The following GNA14 variants were observed in gnomAD, a reference collection of about 807,000 sequenced individuals.
The protein encoded by GNA14 is G protein subunit alpha 14.
In GNA14, 50 loss-of-function variants were observed where a neutral mutation model predicts 42.0. The ratio of observed to expected loss-of-function variants is 1.19; its 90% CI spans 0.95 to 1.51. The LOEUF is 1.51. GNA14 is among the 40% of genes most tolerant of loss of function. The pLI, the probability that GNA14 is intolerant of heterozygous loss-of-function variation, is 0.00. For missense variants in GNA14, 473 were observed against 446.2 expected (o/e 1.06, Z -0.54); for synonymous variants, 173 against 163.1 (o/e 1.06, Z -0.46).
rs973020914 is a variant in GNA14 at position 77,529,238 on chromosome 9, C to T, written c.140G>A (p.Gly47Glu). ...CATCTGCTTGATAAAGGTGCTTTTC[C>T]CACTTTCACCAGTTCCTATAAGACA... The part of the protein sequence containing the change: ...KLLLLGTGES[G>E]KSTFIKQMRI... The change falls in exon 2 of 7, where the codon GGG (glycine) becomes GAG (glutamate). Residue 47 changes from glycine (G) to glutamate (E), a missense_variant. Physicochemically the swap from Gly to Glu is moderately conservative, Grantham distance 98. Transcript: ENST00000341700. 1 of 1,613,806 alleles carries T rather than the reference C, an allele frequency of 6.2e-7. No individual in the cohort carries two copies. The highest frequency in any genetic ancestry group is 1.7e-5 in the Admixed American group (1 of 60,006).
intron 1 of GNA14, chr9:77,580,141 C>T (rs1158487814): frequency 4.7e-6 from 1 of 212,234 alleles, no homozygotes; most frequent in Admixed American, 5.3e-5. Context: ...AAGCATAACT[C>T]TCAATAGTGC....
chr9:77,563,613 T>C (rs1293637784), intron 1 of GNA14, among the ~76,000 whole-genome samples: 2 of 152,154 alleles, frequency 1.3e-5, no homozygotes, highest in East Asian at 3.9e-4. Context: ...ACTAACACTG[T>C]AATTGCCATG....
chr9:77,488,618 T>C (rs917194909), intron 2 of GNA14, among the ~76,000 whole-genome samples: 1 of 151,802 alleles, frequency 6.6e-6, no homozygotes, highest in Non-Finnish European at 1.5e-5. Flanking sequence ...AGAATCCCAT[T>C]TGGGACCTCA....
In GNA14 at chr9:77,517,289, C is replaced by CTCAT. The variant is rs149456688; in HGVS notation, c.309+11776_309+11779dup. On this transcript the variant is annotated intron_variant, in intron 2 of 6. Coordinates refer to ENST00000341700, the MANE Select transcript of GNA14 (RefSeq NM_004297.4). ...ATGCCCACGTTTCAGGGAGGGGCCG[C>CTCAT]TCATTCATTCATTCATTCATTCAAA... 6.0e-3 allele frequency among the ~76,000 whole-genome samples: 907 copies of CTCAT among 151,802 alleles called. 9 individuals carry two copies. The highest frequency in any genetic ancestry group is 0.024 in the South Asian group (115 of 4,800).
intron 1 of GNA14, among the ~76,000 whole-genome samples, chr9:77,610,812 G>T (rs1389797640): frequency 6.6e-6 from 1 of 152,162 alleles, no homozygotes; most frequent in Non-Finnish European, 1.5e-5. Context: ...TCTGTAAGAT[G>T]TAAGAAGACT....
rs139947206 is a variant in GNA14 at position 77,437,022 on chromosome 9, C to T, written c.310-2500G>A. 1.7e-4 allele frequency among the ~76,000 whole-genome samples: 26 copies of T among 151,650 alleles called. No homozygotes were observed. In the East Asian group the frequency reaches 4.6e-3, roughly 27 times the overall value. ...GGCAACGCTTGGCCAATCTGTAATT[C>T]CAACTTGGGCCCTGGTGGCCCTCAG... On this transcript the variant is annotated intron_variant, in intron 2 of 6. Coordinates refer to ENST00000341700, the MANE Select transcript of GNA14 (RefSeq NM_004297.4).
chr9:77,609,518 T>C (rs759360844), intron 1 of GNA14, among the ~76,000 whole-genome samples: 1 of 152,192 alleles, frequency 6.6e-6, no homozygotes, highest in Admixed American at 6.5e-5. Context: ...TCCACATTTT[T>C]AGATATTTGC....
chr9:77,479,090 C>T (rs1424473972), intron 2 of GNA14, among the ~76,000 whole-genome samples: 21 of 150,480 alleles, frequency 1.4e-4, no homozygotes, highest in South Asian at 8.5e-4. Flanking sequence ...GACATGAAGT[C>T]CTTGCCCATG....
Position 77,530,147 on chromosome 9 carries a change from T to C in GNA14, c.125-894A>G, listed in dbSNP as rs1020729170. On this transcript the variant is annotated intron_variant, in intron 1 of 6. Transcript: ENST00000341700. The stretch of plus-strand genomic sequence containing the variant: ...CCTGTGTCCCTACCCAAATCTCACA[T>C]TGAATTGTAATCCCCAGTGTTGGAG... Among the ~76,000 whole-genome samples the C allele has an allele frequency of 3.3e-5, 5 of 152,250 alleles. No homozygotes were observed. In the South Asian group the frequency reaches 1.0e-3, roughly 32 times the overall value.
chr9:77,556,362 G>A (rs1822782030), intron 1 of GNA14, among the ~76,000 whole-genome samples: 1 of 152,120 alleles, frequency 6.6e-6, no homozygotes, highest in African/African-American at 2.4e-5. Flanking sequence ...AATGGGGTGG[G>A]GGCAGAGATC....
intron 1 of GNA14, among the ~76,000 whole-genome samples, chr9:77,617,513 T>C (rs566616602): frequency 3.4e-4 from 51 of 152,226 alleles, no homozygotes; most frequent in African/African-American, 1.2e-3. Context: ...CCATGACAGG[T>C]CACCTGGACA....
At chr9:77,501,713 C>CTTTTTTTTTT (rs71358606) in intron 2 of GNA14, among the ~76,000 whole-genome samples, 3 of 130,418 alleles carry the variant, frequency 2.3e-5, no homozygotes, top group African/African-American at 5.9e-5. Context: ...TGGATAATTT[C>CTTTTTTTTTT]TTTTTTTTTT....
rs778013639 is a variant in GNA14, at chr9:77,644,437, C to CCAAAAAAAAAAAAAAAAA, written c.124+3232_124+3233insTTTTTTTTTTTTTTTTTG. On this transcript the variant is annotated intron_variant, in intron 1 of 6. Coordinates refer to ENST00000341700, the MANE Select transcript of GNA14 (RefSeq NM_004297.4). ...TACTGAACTCCAACCTAAAGAGTGT[C>CCAAAAAAAAAAAAAAAAA]AAAAAAAAAAAAAAAAAAAAAAAAA... Among the ~76,000 whole-genome samples, 95 of 34,012 alleles carry CCAAAAAAAAAAAAAAAAA rather than the reference C, an allele frequency of 2.8e-3. 5 individuals are homozygous for CCAAAAAAAAAAAAAAAAA. Among genetic ancestry groups the CCAAAAAAAAAAAAAAAAA allele is most frequent in the African/African-American group, 8.2e-3 (70 of 8,574 alleles). 22.3% of individuals were successfully genotyped at this position (34,012 alleles called of 152,430 possible).
intron 1 of GNA14, among the ~76,000 whole-genome samples, chr9:77,548,472 C>T (rs1218752232): frequency 6.6e-6 from 1 of 152,142 alleles, no homozygotes; most frequent in Non-Finnish European, 1.5e-5. Flanking sequence ...CGATTCAACC[C>T]AGCACAGGGC....
chr9:77,441,629 T>C (rs1243170859), intron 2 of GNA14, among the ~76,000 whole-genome samples: 3 of 152,152 alleles, frequency 2.0e-5, no homozygotes, highest in African/African-American at 4.8e-5. Flanking sequence ...CTTTGTAGCA[T>C]AGTATTTCCA....
intron 1 of GNA14, among the ~76,000 whole-genome samples, chr9:77,569,923 T>A (rs1823036416): frequency 1.3e-5 from 2 of 151,912 alleles, no homozygotes; most frequent in Non-Finnish European, 2.9e-5. Context: ...TGTGCCACCA[T>A]GTCTGGCTAA....
At chr9:77,558,749 G>A (rs1400814292) in intron 1 of GNA14, among the ~76,000 whole-genome samples, 1 of 152,054 alleles carries the variant, frequency 6.6e-6, no homozygotes, top group Non-Finnish European at 1.5e-5. Context: ...CCTGCCTTCT[G>A]TATAAAGTCA....
intron 2 of GNA14, among the ~76,000 whole-genome samples, chr9:77,503,272 C>T (rs549438576): frequency 7.2e-5 from 11 of 152,102 alleles, no homozygotes; most frequent in Admixed American, 2.0e-4. Context: ...ATCAACGGTG[C>T]CCACTGCAGG....
chr9:77,578,828 A>G (rs1392014054), intron 1 of GNA14, among the ~76,000 whole-genome samples: 1 of 152,206 alleles, frequency 6.6e-6, no homozygotes, highest in Non-Finnish European at 1.5e-5. Flanking sequence ...GGAATGAACC[A>G]GCTGGGTAAG....
Sources: gnomAD v4.1 joint callset for allele counts (sites outside exome capture counted in the v4.1 genomes callset) on GRCh38, gnomAD v4.1.1 for gene constraint, MANE v1.5 for transcripts, NCBI Gene and HGNC (gene_info 2026-07-23, HGNC 2026-07-21) for gene names.